Variants in ABCC10 observed in about 807,000 individuals in gnomAD.
ABCC10 encodes ATP binding cassette subfamily C member 10.
In ABCC10, 110 loss-of-function variants were observed where a neutral mutation model predicts 143.2. The observed-to-expected ratio is 0.77, with a 90% CI of 0.66 to 0.90. The LOEUF (loss-of-function observed/expected upper bound fraction) is 0.90. ABCC10 is among the 40% of genes least tolerant of loss of function. The pLI, the probability that ABCC10 is intolerant of heterozygous loss-of-function variation, is 0.00. For synonymous variants in ABCC10, 805 were observed against 846.7 expected (o/e 0.95, Z 0.85); for missense variants, 1,700 against 1,900.5 (o/e 0.89, Z 1.96).
At position 43,432,674 on chromosome 6, in the gene ABCC10, T is replaced by G; in HGVS notation, c.694T>G (p.Leu232Val). The change falls in exon 3 of 22, where the codon TTG becomes GTG. Residue 232 changes from leucine to valine, a missense_variant. Leu to Val is a conservative substitution (Grantham distance 32). Coordinates refer to ENST00000372530, the MANE Select transcript of ABCC10 (RefSeq NM_001198934.2). The stretch of plus-strand genomic sequence containing the variant: ...CTTTTCCTATGCCTGGCTGGCACCC[T>G]TGCTGGCCCGTGGGGCCTGTGGAGA... Reference protein sequence around the residue: ...SRFSYAWLAPLLARGACGELR... With the variant: ...SRFSYAWLAPVLARGACGELR... 1 of 1,613,998 alleles carries G rather than the reference T, an allele frequency of 6.2e-7. No homozygotes were observed. The highest frequency in any genetic ancestry group is 8.5e-7 in the Non-Finnish European group (1 of 1,180,016).
chr6:43,439,909 G>A (rs1211506433), intron 8 of ABCC10, among the ~76,000 whole-genome samples: 1 of 151,180 alleles, frequency 6.6e-6, no homozygotes, highest in East Asian at 2.0e-4. Context: ...AACAGTCAAG[G>A]TAGTAAGATA....
At chr6:43,437,143 T>C (rs1310451499) in intron 6 of ABCC10, among the ~76,000 whole-genome samples, 3 of 152,112 alleles carry the variant, frequency 2.0e-5, no homozygotes, top group Non-Finnish European at 4.4e-5. Context: ...CTGGTTCTCT[T>C]CTCTCTGTGG....
rs1562160179 is a variant in ABCC10 at position 43,427,736 on chromosome 6, G to C, written c.-33G>C. The C allele has an allele frequency of 5.1e-6, 3 of 588,134 alleles. No homozygotes were observed. Among genetic ancestry groups the C allele is most frequent in the Middle Eastern group, 4.5e-4 (1 of 2,228 alleles). 36.4% of individuals were successfully genotyped at this position (588,134 alleles called of 1,614,324 possible). A position where few individuals can be genotyped will look rare whatever the true frequency, so the allele number is the denominator to read the frequency against. On this transcript the variant is annotated 5_prime_UTR_variant, in exon 1 of 22. Coordinates refer to ENST00000372530, the MANE Select transcript of ABCC10 (RefSeq NM_001198934.2). ...CGGATGCCTGGGGGCGGAGAAACGG[G>C]AGGGGAAAAACAGATGGCAAGGTGG...
intron 4 of ABCC10, chr6:43,435,163 G>C (rs1781553498): frequency 7.5e-6 from 2 of 266,688 alleles, no homozygotes; most frequent in Admixed American, 9.7e-5. Flanking sequence ...CCTGGGTCTA[G>C]CCAAGGCCAG....
intron 18 of ABCC10, 26 bp from the exon 19 acceptor site, chr6:43,448,855 C>T: frequency 6.3e-7 from 1 of 1,593,532 alleles, no homozygotes; most frequent in Non-Finnish European, 8.5e-7. Context: ...TCTCCAACCA[C>T]TAGACTCCAT....
At chr6:43,447,081 C>T (rs1424805923) in intron 16 of ABCC10, 167 bp from the exon 17 acceptor site, 40 of 947,498 alleles carry the variant, frequency 4.2e-5, no homozygotes, top group East Asian at 5.5e-5. Flanking sequence ...CTCCTGACCT[C>T]GTGATCCACC....
chr6:43,444,877 A>G lies in ABCC10; in HGVS notation c.2779A>G (p.Ser927Gly). 6.2e-7 allele frequency: 1 copy of G among 1,614,018 alleles called. No individual in the cohort carries two copies. The highest frequency in any genetic ancestry group is 8.5e-7 in the Non-Finnish European group (1 of 1,179,928). ...NSSQEAQPST[S>G]PASMGLFSPQ... The stretch of plus-strand genomic sequence containing the variant: ...CTCCCAGGAGGCGCAACCCTCCACC[A>G]GCCCAGCTTCTATGGGGCTCTTCTC... The change falls in exon 13 of 22, where the codon AGC (serine) becomes GGC (glycine). Residue 927 changes from serine to glycine, a missense_variant. Coordinates refer to ENST00000372530, the MANE Select transcript of ABCC10 (RefSeq NM_001198934.2).
Position 43,428,004 on chromosome 6 carries a change from G to A in ABCC10, c.26G>A (p.Cys9Tyr), listed in dbSNP as rs1196550851. MERLLAQL[C>Y]GSSAAWPLPL... is the part of the protein sequence containing the mutation. ...ATGGAACGACTTCTGGCCCAGCTGT[G>A]CGGCAGCAGCGCAGCGTGGCCGCTC... Residue 9 changes from cysteine to tyrosine, a missense_variant, in exon 2 of 22, where the codon TGC becomes TAC. Transcript: ENST00000372530. 1 of 1,611,160 alleles carries A rather than the reference G, an allele frequency of 6.2e-7. No individual in the cohort carries two copies. Among genetic ancestry groups the A allele is most frequent in the African/African-American group, 1.3e-5 (1 of 75,052 alleles).
chr6:43,444,296 A>G lies in ABCC10; in HGVS notation c.2632A>G (p.Lys878Glu). ...CTTGCACGTGTACCAAGCTTACTGG[A>G]AGGCCGTGGGCCAGGGCTTGGCCTT... ...VALHVYQAYWKAVGQGLALAI... is the reference protein window; with the variant it reads ...VALHVYQAYWEAVGQGLALAI... Residue 878 changes from lysine (K) to glutamate (E), a missense_variant, in exon 12 of 22, where the codon AAG becomes GAG. Lys to Glu is a moderately conservative substitution (Grantham distance 56). Transcript: ENST00000372530. The G allele has an allele frequency of 6.2e-7, 1 of 1,614,012 alleles. No individual in the cohort carries two copies. The highest frequency in any genetic ancestry group is 8.5e-7 in the Non-Finnish European group (1 of 1,179,996).
At chr6:43,447,202 T>A (rs370191342) in intron 16 of ABCC10, 46 bp from the exon 17 acceptor site, 2 of 1,592,534 alleles carry the variant, frequency 1.3e-6, no homozygotes, top group Admixed American at 1.7e-5. Flanking sequence ...CCCACAAACG[T>A]CCCGGTGTCC....
intron 2 of ABCC10, chr6:43,431,702 C>A: frequency 1.5e-6 from 1 of 660,784 alleles, no homozygotes; most frequent in Non-Finnish European, 1.9e-6. Context: ...GGCATATGTG[C>A]TTGTTTGTTA....
chr6:43,449,912 C>T lies in ABCC10; in HGVS notation c.4317-17C>T. On this transcript the variant is annotated splice_polypyrimidine_tract_variant and intron_variant, in intron 21 of 21. Transcript: ENST00000372530. Reference sequence around the variant, plus strand: ...ATTGTCCCTCATCCCCTACACTGACCATCTTCCCCCTCACAGGCTCAACAC... The same window carrying T: ...ATTGTCCCTCATCCCCTACACTGACTATCTTCCCCCTCACAGGCTCAACAC... The T allele has an allele frequency of 6.2e-7, 1 of 1,613,824 alleles. No homozygotes were observed. The highest frequency in any genetic ancestry group is 8.5e-7 in the Non-Finnish European group (1 of 1,179,944).
In ABCC10 at chr6:43,446,170, G is replaced by C. The variant is rs999142367; in HGVS notation, c.3375-107G>C. 154 of 1,393,952 alleles carry C rather than the reference G, an allele frequency of 1.1e-4. No individual in the cohort carries two copies. The Admixed American group carries it at 3.0e-3, about 27-fold the overall frequency. The allele number at this position is 1,393,952 out of a possible 1,614,324, so 86.3% of individuals were successfully genotyped here. A position where few individuals can be genotyped will look rare whatever the true frequency, so the allele number is the denominator to read the frequency against. On this transcript the variant is annotated intron_variant, in intron 15 of 21. Transcript: ENST00000372530. ...GGGAGGCCTGTGGGTATACAGACCA[G>C]CTCCCAAGAAGGAGCTGCTCAATAA...
At chr6:43,448,113 A>AT (rs1783321132) in intron 18 of ABCC10, 176 bp downstream of exon 18, 3 of 1,006,298 alleles carry the variant, frequency 3.0e-6, no homozygotes. Flanking sequence ...CCAGGTCCAG[A>AT]TTCATGGCTG....
downstream of ABCC10, chr6:43,450,904 G>A (rs1218127534): frequency 6.2e-7 from 1 of 1,614,192 alleles, no homozygotes; most frequent in East Asian, 2.2e-5. The surrounding 1 kb of genome is among the most constrained non-coding windows in gnomAD (Gnocchi z 4.5). Context: ...GGCCCTAGAG[G>A]GGTGTCCACT....
At chr6:43,451,158 C>T, downstream of ABCC10, 2 of 1,614,200 alleles carry the variant, frequency 1.2e-6, no homozygotes, top group Non-Finnish European at 1.7e-6. The surrounding 1 kb of genome is among the most constrained non-coding windows in gnomAD (Gnocchi z 4.4). Flanking sequence ...CCGCATCAGG[C>T]AGTCATCCAC....
chr6:43,444,774 C>G lies in ABCC10; in HGVS notation c.2690-14C>G. On this transcript the variant is annotated splice_polypyrimidine_tract_variant and intron_variant, in intron 12 of 21. Coordinates refer to ENST00000372530, the MANE Select transcript of ABCC10 (RefSeq NM_001198934.2). ...GGAGCCTCTTACAGCTTTTTCCTTCCTGTCCCCACCCAGCCACGCGGAACG... is the reference window on the plus strand; with the variant it reads ...GGAGCCTCTTACAGCTTTTTCCTTCGTGTCCCCACCCAGCCACGCGGAACG... The G allele has an allele frequency of 1.3e-6, 2 of 1,571,202 alleles. No homozygotes were observed. The highest frequency in any genetic ancestry group is 1.7e-6 in the Non-Finnish European group (2 of 1,161,068).
Position 43,446,296 on chromosome 6 carries a change from C to T in ABCC10, c.3394C>T (p.Arg1132Ter), listed in dbSNP as rs764123121. Reference protein sequence around the residue: ...ATYRFEEENLRLLELNQRCQF... With the variant: ...ATYRFEEENL ...CCCTAGGTTTGAGGAGGAGAACCTG[C>T]GACTCCTTGAGCTAAACCAGAGGTG... The change falls in exon 16 of 22, where the codon CGA (arginine) becomes TGA (stop). Residue 1132 changes from arginine to a stop codon, truncating the protein, a stop_gained. Transcript: ENST00000372530. LOFTEE classifies it high-confidence loss of function. 27 of 1,613,602 alleles carry T rather than the reference C, an allele frequency of 1.7e-5. No individual in the cohort carries two copies. Among genetic ancestry groups the T allele is most frequent in the South Asian group, 8.8e-5 (8 of 91,058 alleles).
chr6:43,449,233 G>A (rs1783480519), intron 20 of ABCC10, 29 bp downstream of exon 20: 2 of 1,609,574 alleles, frequency 1.2e-6, no homozygotes, highest in Middle Eastern at 1.7e-4. Flanking sequence ...ACATTAGAGA[G>A]GGCCAGGAAG....
Sources: gnomAD v4.1 joint callset for allele counts (sites outside exome capture counted in the v4.1 genomes callset) on GRCh38, gnomAD v4.1.1 for gene constraint, Gnocchi (gnomAD v3.1) non-coding constraint, MANE v1.5 for transcripts, NCBI Gene and HGNC (gene_info 2026-07-23, HGNC 2026-07-21) for gene names.